Variants in HOOK1 observed in about 807,000 individuals in gnomAD.
HOOK1 encodes the protein protein Hook homolog 1.
Under a neutral mutation model 112.8 loss-of-function variants are expected in HOOK1, and 60 were observed. That is an observed-to-expected ratio of 0.53 (90% CI 0.43 to 0.66). The LOEUF is 0.66. Ranked by LOEUF, HOOK1 falls within the 30% of genes least tolerant of loss-of-function variation. HOOK1 has a pLI of 0.00. For synonymous variants in HOOK1, 294 were observed against 283.8 expected, an observed-to-expected ratio of 1.04 and a Z score of -0.36; for missense variants, 770 against 856.0, an observed-to-expected ratio of 0.90 and a Z score of 1.25.
At chr1:59,861,986 A>G (rs556890331) in intron 15 of HOOK1, among the ~76,000 whole-genome samples, 1 of 152,312 alleles carries the variant, frequency 6.6e-6, no homozygotes, top group African/African-American at 2.4e-5. Context: ...GAGACCATTA[A>G]ATATTATCAT....
At position 59,861,698 on chromosome 1, in the gene HOOK1, C is replaced by T. The variant is rs570364038; in HGVS notation, c.1533-1086C>T. ...GGATCCTCCATAATGAACTCTCTGT[C>T]AATCTGATTACTGAGTCTTTACTCC... On this transcript the variant is annotated intron_variant, in intron 15 of 21. Transcript: ENST00000371208. Among the ~76,000 whole-genome samples the T allele has an allele frequency of 2.0e-5, 3 of 152,258 alleles. No homozygotes were observed. In the South Asian group the frequency reaches 6.2e-4, roughly 32 times the overall value.
chr1:59,815,692 C>T (rs1453166663), intron 1 of HOOK1, among the ~76,000 whole-genome samples: 1 of 151,944 alleles, frequency 6.6e-6, no homozygotes, highest in Non-Finnish European at 1.5e-5. Context: ...GACCAATGCT[C>T]CTTCAGGACT....
At chr1:59,848,172 T>G (rs2098405072) in intron 10 of HOOK1, 143 bp from the exon 11 acceptor site, 1 of 602,872 alleles carries the variant, frequency 1.7e-6, no homozygotes, top group Non-Finnish European at 2.9e-6. Context: ...TTACAAAGTT[T>G]ACAATTTCCT....
At chr1:59,838,156 C>T (rs916041168) in intron 7 of HOOK1, among the ~76,000 whole-genome samples, 7 of 152,030 alleles carry the variant, frequency 4.6e-5, no homozygotes, top group East Asian at 1.9e-4. Flanking sequence ...AATAAAAATA[C>T]GTGTGCATTT....
At chr1:59,825,992 G>C in intron 2 of HOOK1, among the ~76,000 whole-genome samples, 1 of 152,002 alleles carries the variant, frequency 6.6e-6, no homozygotes, top group East Asian at 1.9e-4. Flanking sequence ...CAGTTTAATG[G>C]GTTAATAGAG....
chr1:59,822,078 G>C, intron 2 of HOOK1, 135 bp downstream of exon 2: 1 of 692,242 alleles, frequency 1.4e-6, no homozygotes, highest in Non-Finnish European at 2.5e-6. Context: ...ATGGCACCAA[G>C]GCATTCTTGC....
At chr1:59,870,695 C>G (rs1165053601) in intron 20 of HOOK1, among the ~76,000 whole-genome samples, 1 of 152,170 alleles carries the variant, frequency 6.6e-6, no homozygotes, top group African/African-American at 2.4e-5. Flanking sequence ...TTTGACCCCT[C>G]CACGGGTGCA....
chr1:59,861,352 C>T (rs1370603927), intron 15 of HOOK1, among the ~76,000 whole-genome samples: 1 of 152,142 alleles, frequency 6.6e-6, no homozygotes, highest in African/African-American at 2.4e-5. Flanking sequence ...ATTTAAATCC[C>T]ACTTCTAATT....
At chr1:59,843,249 A>T (rs918832869) in intron 8 of HOOK1, among the ~76,000 whole-genome samples, 183 bp from the exon 9 acceptor site, 23 of 149,546 alleles carry the variant, frequency 1.5e-4, no homozygotes. Context: ...CTTTTCTTTG[A>T]CTTACATCTC....
At chr1:59,842,960 T>C (rs1295938510) in intron 8 of HOOK1, among the ~76,000 whole-genome samples, 2 of 152,028 alleles carry the variant, frequency 1.3e-5, no homozygotes, top group African/African-American at 4.8e-5. Context: ...ATTAACCAAA[T>C]GTGCTTATTT....
Position 59,815,018 on chromosome 1 carries a change from T to C in HOOK1, c.-100T>C. On this transcript the variant is annotated 5_prime_UTR_variant, in exon 1 of 22. Transcript: ENST00000371208. ...GCGCGGGTCGGGCCTGGTACCGAGC[T>C]TTCCTGGGGGCTAGCAGGTCGTGGA... The C allele has an allele frequency of 7.8e-7, 1 of 1,275,022 alleles. No individual in the cohort carries two copies. 79.0% of individuals were successfully genotyped at this position (1,275,022 alleles called of 1,614,324 possible). A position where few individuals can be genotyped will look rare whatever the true frequency, so the allele number is the denominator to read the frequency against.
chr1:59,858,642 C>G (rs935414217), intron 13 of HOOK1, 127 bp downstream of exon 13: 1 of 674,842 alleles, frequency 1.5e-6, no homozygotes, highest in African/African-American at 1.8e-5. Flanking sequence ...GAGGCTGAGG[C>G]GGGAGGATCA....
At chr1:59,866,869 A>C (rs777096681) in intron 19 of HOOK1, among the ~76,000 whole-genome samples, 2 of 152,198 alleles carry the variant, frequency 1.3e-5, no homozygotes, top group Non-Finnish European at 2.9e-5. Context: ...TATAAATAAG[A>C]CTATAGTCAA....
intron 2 of HOOK1, among the ~76,000 whole-genome samples, chr1:59,824,210 ATTTT>A (rs35058060): frequency 7.0e-6 from 1 of 143,774 alleles, no homozygotes. Flanking sequence ...ATATGTTACA[ATTTT>A]TTTTTTTTTT....
chr1:59,835,367 A>G lies in HOOK1; in HGVS notation c.429A>G (p.Thr143=), dbSNP rs762498587. The change falls in exon 6 of 22, where the codon ACA becomes ACG. Residue 143 remains threonine (T), a synonymous_variant. Transcript: ENST00000371208. Reference sequence around the variant, plus strand: ...TAGAACATATTCAAAATATAATGACACTGGAAGAGTCTGTTCAACATGTGG... The same window carrying G: ...TAGAACATATTCAAAATATAATGACGCTGGAAGAGTCTGTTCAACATGTGG... ...KKQEHIQNIM[T]LEESVQHVVM... 2.5e-6 allele frequency: 4 copies of G among 1,587,704 alleles called. No homozygotes were observed. Among genetic ancestry groups the G allele is most frequent in the Non-Finnish European group, 3.5e-6 (4 of 1,157,144 alleles).
chr1:59,847,456 C>A (rs1041288713), intron 10 of HOOK1, among the ~76,000 whole-genome samples: 9 of 151,422 alleles, frequency 5.9e-5, no homozygotes, highest in Non-Finnish European at 1.3e-4. Context: ...AAATGGAGTA[C>A]TTATAGATAC....
At position 59,828,764 on chromosome 1, in the gene HOOK1, T is replaced by G. The variant is rs146202366; in HGVS notation, c.150-16T>G. The G allele has an allele frequency of 2.1e-4, 345 of 1,607,540 alleles. No individual in the cohort carries two copies. In the African/African-American group the frequency reaches 2.7e-3, roughly 13 times the overall value. ...AAACATTTTCATCTTTAGTATTTTTTTTGTTGTTGTTTCAGTGATGCAGCT... is the reference window on the plus strand; with the variant it reads ...AAACATTTTCATCTTTAGTATTTTTGTTGTTGTTGTTTCAGTGATGCAGCT... On this transcript the variant is annotated splice_polypyrimidine_tract_variant and intron_variant, in intron 2 of 21. Transcript: ENST00000371208.
Position 59,873,271 on chromosome 1 carries a change from A to G in HOOK1, c.*306A>G. ...AATTGGCCTTGTATATTTTAGTTAA[A>G]TGTTTTCAGTTGTATTAGTAACTTA... On this transcript the variant is annotated 3_prime_UTR_variant, in exon 22 of 22. Transcript: ENST00000371208. 1 of 199,338 alleles carries G rather than the reference A, an allele frequency of 5.0e-6. No individual in the cohort carries two copies. The highest frequency in any genetic ancestry group is 1.0e-5 in the Non-Finnish European group (1 of 99,758). 12.3% of individuals were successfully genotyped at this position (199,338 alleles called of 1,614,324 possible).
At position 59,866,702 on chromosome 1, in the gene HOOK1, G is replaced by A. The variant is rs75851640; in HGVS notation, c.1845+730G>A. On this transcript the variant is annotated intron_variant, in intron 19 of 21. Coordinates refer to ENST00000371208, the MANE Select transcript of HOOK1 (RefSeq NM_015888.6). ...ATCACTTTCACTCCCACTTTGGAGC[G>A]CAGGCATGTGACCACACTACATTTA... 1.6e-3 allele frequency among the ~76,000 whole-genome samples: 251 copies of A among 152,294 alleles called. 6 individuals are homozygous for A. In the East Asian group the frequency reaches 0.045, roughly 27 times the overall value.
Sources: gnomAD v4.1 joint callset for allele counts (sites outside exome capture counted in the v4.1 genomes callset) on GRCh38, gnomAD v4.1.1 for gene constraint, MANE v1.5 for transcripts, NCBI Gene and HGNC (gene_info 2026-07-23, HGNC 2026-07-21) for gene names.